Variants in EPHB1 observed in about 807,000 individuals in gnomAD.
EPHB1 encodes the protein EPH receptor B1.
EPHB1 carries 30 observed loss-of-function variants against 94.4 expected under a neutral mutation model. The ratio of observed to expected loss-of-function variants is 0.32; its 90% confidence interval spans 0.24 to 0.43. EPHB1 has a LOEUF of 0.43. Ranked by LOEUF, EPHB1 falls within the 20% of genes least tolerant of loss-of-function variation. The pLI is 1.00. For synonymous variants in EPHB1, 522 were observed against 489.1 expected, an observed-to-expected ratio of 1.07 and a Z score of -0.89; for missense variants, 1,055 against 1,308.3, an observed-to-expected ratio of 0.81 and a Z score of 2.99.
intron 8 of EPHB1, among the ~76,000 whole-genome samples, chr3:135,166,442 A>C (rs1225996262): frequency 6.6e-6 from 1 of 152,206 alleles, no homozygotes; most frequent in Admixed American, 6.5e-5. Context: ...GGCTCTCAGC[A>C]GCCAGCAAGA....
intron 3 of EPHB1, among the ~76,000 whole-genome samples, chr3:135,019,371 T>C (rs1431501616): frequency 6.6e-6 from 1 of 152,152 alleles, no homozygotes. Flanking sequence ...AGGGGAGTCA[T>C]GTGTGTGCAA....
At chr3:135,188,575 A>G (rs1410791360) in intron 10 of EPHB1, among the ~76,000 whole-genome samples, 5 of 152,178 alleles carry the variant, frequency 3.3e-5, no homozygotes, top group Admixed American at 6.5e-5. Context: ...TTTCTCCTAG[A>G]CTTCTCTCAA....
intron 3 of EPHB1, among the ~76,000 whole-genome samples, chr3:135,070,716 A>T (rs942200003): frequency 6.6e-6 from 1 of 152,208 alleles, no homozygotes; most frequent in African/African-American, 2.4e-5. Flanking sequence ...TAATAATTTT[A>T]TAATGTATCC....
intron 3 of EPHB1, among the ~76,000 whole-genome samples, chr3:134,987,111 G>A (rs1217834335): frequency 6.6e-6 from 1 of 152,112 alleles, no homozygotes. Context: ...TTCCTCAAAT[G>A]TTAGCCTATC....
At position 134,795,826 on chromosome 3, in the gene EPHB1, G is replaced by T. The variant is rs115737180; in HGVS notation, c.58+137G>T. Reference sequence around the variant, plus strand: ...GACCCGAGGGCAAGGAGGTTTGGGAGCCTCGGCCGCTGCCGAGCGCGGGGC... The same window carrying T: ...GACCCGAGGGCAAGGAGGTTTGGGATCCTCGGCCGCTGCCGAGCGCGGGGC... On this transcript the variant is annotated intron_variant, in intron 1 of 15. Transcript: ENST00000398015. The T allele has an allele frequency of 5.6e-3, 5,674 of 1,019,032 alleles. 195 individuals carry two copies. In the African/African-American group the frequency reaches 0.081, roughly 15 times the overall value. 63.1% of individuals were successfully genotyped at this position (1,019,032 alleles called of 1,614,324 possible).
chr3:135,034,917 G>A (rs761085525), intron 3 of EPHB1, among the ~76,000 whole-genome samples: 27 of 152,230 alleles, frequency 1.8e-4, no homozygotes, highest in Non-Finnish European at 3.5e-4. Flanking sequence ...GAAGGAGGAC[G>A]ATGGACAAGG....
intron 3 of EPHB1, among the ~76,000 whole-genome samples, chr3:135,015,720 A>G (rs910372695): frequency 2.0e-5 from 3 of 152,200 alleles, no homozygotes; most frequent in South Asian, 4.1e-4. Context: ...GATGAACTTG[A>G]AAATGGCCTG....
intron 1 of EPHB1, among the ~76,000 whole-genome samples, chr3:134,924,497 A>G (rs1373283809): frequency 1.3e-5 from 2 of 152,202 alleles, no homozygotes; most frequent in African/African-American, 4.8e-5. Flanking sequence ...GTTTAACACC[A>G]TTTGCCAGCA....
At chr3:134,883,469 T>C (rs1377738761) in intron 1 of EPHB1, among the ~76,000 whole-genome samples, 1 of 152,186 alleles carries the variant, frequency 6.6e-6, no homozygotes, top group African/African-American at 2.4e-5. Flanking sequence ...GCAGAAACCT[T>C]GGGGAAGATT....
At chr3:134,985,235 C>A (rs1934555557) in intron 3 of EPHB1, among the ~76,000 whole-genome samples, 1 of 152,138 alleles carries the variant, frequency 6.6e-6, no homozygotes, top group East Asian at 1.9e-4. Flanking sequence ...CTCACTGCAA[C>A]CTCCACCTCC....
At chr3:134,992,298 G>A (rs1934835503) in intron 3 of EPHB1, among the ~76,000 whole-genome samples, 1 of 152,130 alleles carries the variant, frequency 6.6e-6, no homozygotes, top group Non-Finnish European at 1.5e-5. Context: ...GCCCTGCTCT[G>A]TAGGAGTCTC....
chr3:135,153,537 C>T (rs929895783), intron 5 of EPHB1, among the ~76,000 whole-genome samples: 3 of 152,086 alleles, frequency 2.0e-5, no homozygotes, highest in African/African-American at 7.2e-5. Context: ...TTGGAAATTC[C>T]CTCATTTGGA....
intron 3 of EPHB1, among the ~76,000 whole-genome samples, chr3:135,042,399 A>T (rs1936880113): frequency 6.6e-6 from 1 of 152,254 alleles, no homozygotes; most frequent in African/African-American, 2.4e-5. Flanking sequence ...AAACCATAGC[A>T]GTCTCAAATG....
In EPHB1 at chr3:135,163,099, T is replaced by C. The variant is rs184160718; in HGVS notation, c.1585+919T>C. On this transcript the variant is annotated intron_variant, in intron 7 of 15. Transcript: ENST00000398015. Reference sequence around the variant, plus strand: ...TTATCCATAAAACAGTCTGTCCTTATATAGCATTTTATTTTAGGCCAATGC... The same window carrying C: ...TTATCCATAAAACAGTCTGTCCTTACATAGCATTTTATTTTAGGCCAATGC... Among the ~76,000 whole-genome samples the C allele has an allele frequency of 1.6e-3, 241 of 152,374 alleles. 1 individual carries two copies. The highest frequency in any genetic ancestry group is 5.6e-3 in the African/African-American group (231 of 41,596).
intron 15 of EPHB1, among the ~76,000 whole-genome samples, chr3:135,254,563 C>T (rs1933281734): frequency 6.6e-6 from 1 of 151,886 alleles, no homozygotes; most frequent in Non-Finnish European, 1.5e-5. Flanking sequence ...AAGGATGAAG[C>T]CCACTTGATC....
chr3:134,973,208 C>T (rs1014372790), intron 3 of EPHB1, among the ~76,000 whole-genome samples: 1 of 152,182 alleles, frequency 6.6e-6, no homozygotes, highest in African/African-American at 2.4e-5. Context: ...AGACACACAA[C>T]AACAGGATTG....
At chr3:134,805,292 G>C (rs1267406530) in intron 1 of EPHB1, among the ~76,000 whole-genome samples, 1 of 152,184 alleles carries the variant, frequency 6.6e-6, no homozygotes, top group Non-Finnish European at 1.5e-5. Flanking sequence ...GTTTGGGATG[G>C]TGGAATGCAG....
chr3:135,050,629 TAGG>T (rs992687353), intron 3 of EPHB1, among the ~76,000 whole-genome samples: 43 of 152,268 alleles, frequency 2.8e-4, no homozygotes, highest in Admixed American at 9.8e-4. Context: ...GTGGGCCTAA[TAGG>T]AGGTGTTTTC....
intron 1 of EPHB1, among the ~76,000 whole-genome samples, chr3:134,796,824 C>A (rs991756261): frequency 6.6e-6 from 1 of 152,260 alleles, no homozygotes; most frequent in Non-Finnish European, 1.5e-5. Flanking sequence ...CTGGGGGACT[C>A]CAAGCCGGGG....
Sources: allele counts gnomAD v4.1 joint callset (sites outside exome capture counted in the v4.1 genomes callset), GRCh38; gene constraint gnomAD v4.1.1; transcripts MANE v1.5; gene names NCBI Gene and HGNC (gene_info 2026-07-23, HGNC 2026-07-21).